The following RAB3GAP1 variants were observed in gnomAD, a reference collection of about 807,000 sequenced individuals.
RAB3GAP1 encodes RAB3 GTPase activating protein catalytic subunit 1.
A neutral mutation model predicts 130.7 loss-of-function variants in RAB3GAP1; 86 were observed. The ratio of observed to expected loss-of-function variants is 0.66; its 90% confidence interval spans 0.55 to 0.79. The LOEUF (loss-of-function observed/expected upper bound fraction) is 0.79. RAB3GAP1 is among the 30% of genes least tolerant of loss of function. RAB3GAP1 has a pLI of 0.00. For missense variants in RAB3GAP1, 1,029 were observed against 1,169.4 expected, an observed-to-expected ratio of 0.88 and a Z score of 1.75; for synonymous variants, 367 against 401.7, an observed-to-expected ratio of 0.91 and a Z score of 1.03.
intron 17 of RAB3GAP1, among the ~76,000 whole-genome samples, chr2:135,146,977 C>CACAA (rs1692014760): frequency 6.6e-6 from 1 of 150,636 alleles, no homozygotes; most frequent in African/African-American, 2.5e-5. Flanking sequence ...TATAAACACA[C>CACAA]ACACACACAC....
At chr2:135,054,816 G>A (rs1688967212) in intron 2 of RAB3GAP1, among the ~76,000 whole-genome samples, 1 of 152,130 alleles carries the variant, frequency 6.6e-6, no homozygotes, top group Admixed American at 6.5e-5. Flanking sequence ...TAGAAAATTT[G>A]GTTTTTGGCT....
Position 135,093,669 on chromosome 2 carries a change from C to T in RAB3GAP1, c.338C>T (p.Pro113Leu), listed in dbSNP as rs1252920767. The T allele has an allele frequency of 5.0e-6, 8 of 1,612,804 alleles. No individual in the cohort carries two copies. The change falls in exon 5 of 24, where the codon CCA (proline) becomes CTA (leucine). Residue 113 changes from proline to leucine, a missense_variant. Pro to Leu is a moderately conservative substitution (Grantham distance 98). This residue lies in a region of RAB3GAP1 where 510 missense variants were observed against 532.1 expected (regional missense o/e 0.96). Coordinates refer to ENST00000264158, the MANE Select transcript of RAB3GAP1 (RefSeq NM_012233.3). ...DLLGMNNDFP[P>L]RAHCLVRWYG... ...CTGGGTATGAATAATGACTTTCCTC[C>T]AAGAGCACATTGCCTGGTAAGATGG... is the stretch of plus-strand genomic sequence containing the variant.
intron 17 of RAB3GAP1, among the ~76,000 whole-genome samples, chr2:135,148,698 G>A (rs1271685542): frequency 7.1e-6 from 1 of 140,542 alleles, no homozygotes; most frequent in African/African-American, 2.8e-5. Flanking sequence ...TTTAAGTAGA[G>A]ATGGGGTTTC....
intron 17 of RAB3GAP1, among the ~76,000 whole-genome samples, chr2:135,141,564 C>T (rs1691840212): frequency 6.6e-6 from 1 of 152,016 alleles, no homozygotes; most frequent in Non-Finnish European, 1.5e-5. Flanking sequence ...AAGAGGTGTT[C>T]TTAATTTTAA....
chr2:135,153,063 T>A (rs1224219170), intron 18 of RAB3GAP1: 2 of 154,382 alleles, frequency 1.3e-5, no homozygotes, highest in East Asian at 3.8e-4. Context: ...GGTAATTTGT[T>A]ATATAAAGTA....
At chr2:135,097,473 A>T (rs1227020979) in intron 5 of RAB3GAP1, among the ~76,000 whole-genome samples, 1 of 152,064 alleles carries the variant, frequency 6.6e-6, no homozygotes, top group Non-Finnish European at 1.5e-5. Context: ...CTCCCACCTC[A>T]GCCTCCCAAA....
intron 3 of RAB3GAP1, among the ~76,000 whole-genome samples, chr2:135,077,214 G>A (rs1314718105): frequency 1.3e-5 from 2 of 152,144 alleles, no homozygotes; most frequent in Non-Finnish European, 2.9e-5. Flanking sequence ...AGGTTGCAGT[G>A]AGATGAGATC....
intron 23 of RAB3GAP1, chr2:135,167,843 C>A: frequency 1.5e-6 from 1 of 677,806 alleles, no homozygotes; most frequent in Non-Finnish European, 2.2e-6. Flanking sequence ...ATGTTTAGCG[C>A]AACATGATTT....
intron 5 of RAB3GAP1, among the ~76,000 whole-genome samples, chr2:135,106,811 A>G (rs1690640776): frequency 6.6e-6 from 1 of 151,818 alleles, no homozygotes; most frequent in South Asian, 2.1e-4. Context: ...TGAAAAAAAA[A>G]AGGAAAAACA....
intron 3 of RAB3GAP1, among the ~76,000 whole-genome samples, chr2:135,085,097 G>C (rs1464647517): frequency 1.3e-5 from 2 of 152,154 alleles, no homozygotes; most frequent in African/African-American, 4.8e-5. Context: ...ATGGAAGGTA[G>C]CTGTAGGGGT....
intron 3 of RAB3GAP1, among the ~76,000 whole-genome samples, chr2:135,069,743 G>A (rs1689417094): frequency 6.6e-6 from 1 of 151,944 alleles, no homozygotes; most frequent in Non-Finnish European, 1.5e-5. Flanking sequence ...CTGTGCAGTA[G>A]GAATTATCCC....
At chr2:135,081,094 G>A (rs1426113316) in intron 3 of RAB3GAP1, among the ~76,000 whole-genome samples, 2 of 151,554 alleles carry the variant, frequency 1.3e-5, no homozygotes, top group African/African-American at 4.9e-5. Flanking sequence ...TTAGTGTTAA[G>A]ACCATATTAC....
chr2:135,165,334 T>G (rs533420221), intron 23 of RAB3GAP1, among the ~76,000 whole-genome samples: 15 of 152,350 alleles, frequency 9.8e-5, no homozygotes, highest in African/African-American at 3.6e-4. Flanking sequence ...CAGATAATTC[T>G]CAGTTCAGGG....
chr2:135,112,532 T>C (rs2104911641), intron 5 of RAB3GAP1, among the ~76,000 whole-genome samples: 1 of 152,210 alleles, frequency 6.6e-6, no homozygotes, highest in South Asian at 2.1e-4. Context: ...GAGTGAGAGA[T>C]GTGAAGCAGC....
At chr2:135,160,256 A>G (rs970352859) in intron 19 of RAB3GAP1, among the ~76,000 whole-genome samples, 8 of 152,206 alleles carry the variant, frequency 5.3e-5, no homozygotes, top group African/African-American at 1.2e-4. Context: ...CAAAATGCCA[A>G]TGTTATAAAA....
intron 10 of RAB3GAP1, 142 bp downstream of exon 10, chr2:135,126,391 C>T (rs1437068961): frequency 2.3e-6 from 2 of 883,688 alleles, no homozygotes; most frequent in Non-Finnish European, 1.8e-6. Flanking sequence ...TGTCTAAGGA[C>T]TTTGATTTCT....
chr2:135,081,352 ATATATATATACACACACGTG>A (rs1318952584), intron 3 of RAB3GAP1, among the ~76,000 whole-genome samples: 1 of 92,864 alleles, frequency 1.1e-5, no homozygotes, highest in African/African-American at 5.4e-5. Flanking sequence ...ATATATATAT[ATATATATATACACACACGTG>A]TGTGTGTGTA....
intron 17 of RAB3GAP1, among the ~76,000 whole-genome samples, chr2:135,141,757 T>C (rs1428643278): frequency 6.6e-6 from 1 of 152,232 alleles, no homozygotes; most frequent in Non-Finnish European, 1.5e-5. Context: ...GTTAAGATTC[T>C]CTTTTCTCTA....
intron 3 of RAB3GAP1, chr2:135,058,309 G>A (rs574078716): frequency 2.2e-4 from 79 of 359,920 alleles, no homozygotes; most frequent in Middle Eastern, 8.2e-4. Context: ...ATGTGTGTGT[G>A]TATATATATA....
Sources: allele counts gnomAD v4.1 joint callset (sites outside exome capture counted in the v4.1 genomes callset), GRCh38; gene constraint gnomAD v4.1.1; regional missense constraint gnomAD v4.1.1; transcripts MANE v1.5; gene names NCBI Gene and HGNC (gene_info 2026-07-23, HGNC 2026-07-21).